The following SEMA5B variants were observed in gnomAD, a reference collection of about 807,000 sequenced individuals.
The protein encoded by SEMA5B is semaphorin-5B.
Under a neutral mutation model 135.0 loss-of-function variants are expected in SEMA5B, and 66 were observed. That is an observed-to-expected ratio of 0.49 (90% CI 0.40 to 0.60). The LOEUF (loss-of-function observed/expected upper bound fraction) is 0.60. SEMA5B is among the 20% of genes least tolerant of loss of function. The pLI, the probability that SEMA5B is intolerant of heterozygous loss-of-function variation, is 0.00. For missense variants in SEMA5B, 1,501 were observed against 1,566.3 expected (o/e 0.96, Z 0.70); for synonymous variants, 690 against 639.5 (o/e 1.08, Z -1.19).
chr3:123,010,770 A>G (rs992115530), intron 1 of SEMA5B, among the ~76,000 whole-genome samples: 6 of 142,452 alleles, frequency 4.2e-5, no homozygotes, highest in African/African-American at 1.6e-4. Context: ...AGATTGCGCC[A>G]CTGCACTCTG....
At chr3:122,975,704 C>T (rs756980027) in intron 1 of SEMA5B, among the ~76,000 whole-genome samples, 7 of 152,162 alleles carry the variant, frequency 4.6e-5, no homozygotes, top group East Asian at 1.9e-4. Flanking sequence ...TCTCTCCAGA[C>T]GCTCACAATA....
chr3:122,913,502 C>G (rs763655411), intron 16 of SEMA5B, 32 bp downstream of exon 16: 8 of 1,598,780 alleles, frequency 5.0e-6, no homozygotes, highest in Middle Eastern at 1.7e-4. Flanking sequence ...GTACCCTACA[C>G]CGCGCCCCTG....
intron 12 of SEMA5B, among the ~76,000 whole-genome samples, chr3:122,917,258 C>T (rs1280467415): frequency 6.6e-6 from 1 of 152,136 alleles, no homozygotes; most frequent in Non-Finnish European, 1.5e-5. Context: ...AGCATGGGCT[C>T]AGAAATTGGA....
At chr3:122,997,595 G>C (rs1283543184) in intron 1 of SEMA5B, among the ~76,000 whole-genome samples, 1 of 151,828 alleles carries the variant, frequency 6.6e-6, no homozygotes, top group Non-Finnish European at 1.5e-5. Flanking sequence ...AAGTCATCCT[G>C]ATTTTATTAC....
chr3:122,936,139 G>A (rs1379264517), intron 5 of SEMA5B, among the ~76,000 whole-genome samples: 2 of 152,170 alleles, frequency 1.3e-5, no homozygotes, highest in Non-Finnish European at 2.9e-5. Context: ...AGACGTGTCT[G>A]ATCAATCTGG....
intron 1 of SEMA5B, chr3:122,993,155 C>A (rs768019569): frequency 4.6e-5 from 7 of 152,306 alleles, no homozygotes; most frequent in Non-Finnish European, 1.0e-4. Context: ...TGACCAGCAG[C>A]TCCAGACGGC....
intron 12 of SEMA5B, among the ~76,000 whole-genome samples, chr3:122,918,876 GA>G (rs1165916359): frequency 2.0e-5 from 3 of 151,650 alleles, no homozygotes; most frequent in Non-Finnish European, 4.4e-5. Context: ...ACACTCTTAA[GA>G]AAAATGAAAG....
intron 1 of SEMA5B, among the ~76,000 whole-genome samples, chr3:122,985,704 C>A (rs1281321662): frequency 2.0e-5 from 3 of 152,038 alleles, no homozygotes; most frequent in South Asian, 2.1e-4. Flanking sequence ...TGGAATCTTG[C>A]GGGAGGAGGT....
intron 1 of SEMA5B, chr3:123,027,146 C>G (rs1942821948): frequency 6.5e-6 from 1 of 153,750 alleles, no homozygotes; most frequent in South Asian, 2.1e-4. Flanking sequence ...CTTCTCCAGG[C>G]CTGGGTCCCG....
chr3:122,932,502 A>C (rs1367719534), intron 5 of SEMA5B, among the ~76,000 whole-genome samples: 1 of 151,952 alleles, frequency 6.6e-6, no homozygotes, highest in African/African-American at 2.4e-5. Flanking sequence ...AAATATCCCT[A>C]TCATATCTCG....
At chr3:122,964,524 C>A (rs1442705932) in intron 1 of SEMA5B, among the ~76,000 whole-genome samples, 1 of 152,218 alleles carries the variant, frequency 6.6e-6, no homozygotes. Flanking sequence ...CAACCACTTG[C>A]ATTTTTTGAA....
chr3:122,926,527 T>C lies in SEMA5B; in HGVS notation c.1001A>G (p.Asp334Gly). The change falls in exon 9 of 23, where the codon GAC (aspartate) becomes GGC (glycine). Residue 334 changes from aspartate (D) to glycine (G), a missense_variant. By Grantham distance (94) the Asp-to-Gly change is moderately conservative. Coordinates refer to ENST00000357599, the MANE Select transcript of SEMA5B (RefSeq NM_001031702.4). Reference protein sequence around the residue: ...NDVGGRFLLEDTWTTFMKARL... With the variant: ...NDVGGRFLLEGTWTTFMKARL... The stretch of plus-strand genomic sequence containing the variant: ...GGCCTTCATGAATGTGGTCCATGTG[T>C]CCTCCAGCAGGAATCGGCCCCCCAC... The C allele has an allele frequency of 1.2e-6, 2 of 1,614,216 alleles. No individual in the cohort carries two copies. The highest frequency in any genetic ancestry group is 1.7e-6 in the Non-Finnish European group (2 of 1,180,038).
At chr3:122,990,921 T>C (rs1941854574) in intron 1 of SEMA5B, among the ~76,000 whole-genome samples, 1 of 152,200 alleles carries the variant, frequency 6.6e-6, no homozygotes, top group African/African-American at 2.4e-5. Flanking sequence ...CTCCCCATCA[T>C]TCACATTCAG....
intron 1 of SEMA5B, among the ~76,000 whole-genome samples, chr3:122,969,130 A>G (rs1019246778): frequency 6.6e-6 from 1 of 152,218 alleles, no homozygotes; most frequent in African/African-American, 2.4e-5. Context: ...TCCTCACCAT[A>G]TGGCTATAAA....
At chr3:122,964,096 C>G (rs542740857) in intron 1 of SEMA5B, among the ~76,000 whole-genome samples, 2 of 152,318 alleles carry the variant, frequency 1.3e-5, no homozygotes, top group South Asian at 4.2e-4. Flanking sequence ...TGCAGCCTGC[C>G]CAAAATAAAT....
intron 11 of SEMA5B, 40 bp from the exon 12 acceptor site, chr3:122,922,162 GC>G (rs1466235118): frequency 6.4e-7 from 1 of 1,552,606 alleles, no homozygotes; most frequent in Admixed American, 1.9e-5. Flanking sequence ...GGCCTTGAAG[GC>G]CCCGGAAGCT....
intron 3 of SEMA5B, among the ~76,000 whole-genome samples, chr3:122,944,161 A>G (rs539621566): frequency 6.6e-6 from 1 of 152,282 alleles, no homozygotes; most frequent in East Asian, 1.9e-4. Flanking sequence ...AGTGCCTGGC[A>G]CAGTGATTAT....
chr3:122,954,351 C>T (rs1940186981), intron 2 of SEMA5B, among the ~76,000 whole-genome samples: 1 of 152,240 alleles, frequency 6.6e-6, no homozygotes, highest in Non-Finnish European at 1.5e-5. Context: ...TAAATACATT[C>T]TACTTCCATG....
intron 1 of SEMA5B, chr3:122,992,810 A>C (rs1941918792): frequency 1.3e-5 from 2 of 152,262 alleles, no homozygotes; most frequent in African/African-American, 4.8e-5. Flanking sequence ...TGCGGGCACC[A>C]TGCAGGGAAA....
Sources: allele counts gnomAD v4.1 joint callset (sites outside exome capture counted in the v4.1 genomes callset), GRCh38; gene constraint gnomAD v4.1.1; transcripts MANE v1.5; gene names NCBI Gene and HGNC (gene_info 2026-07-23, HGNC 2026-07-21).